Variants in MDN1 observed in about 807,000 individuals in gnomAD.
The protein encoded by MDN1 is midasin AAA ATPase 1.
Under a neutral mutation model 669.2 loss-of-function variants are expected in MDN1, and 266 were observed. That is an observed-to-expected ratio of 0.40 (90% CI 0.36 to 0.44). The LOEUF is 0.44. Ranked by LOEUF, MDN1 falls within the 20% of genes least tolerant of loss-of-function variation. The pLI, the probability that MDN1 is intolerant of heterozygous loss-of-function variation, is 1.00. For synonymous variants in MDN1, 2,385 were observed against 2,457.1 expected (o/e 0.97, Z 0.87); for missense variants, 5,940 against 6,754.0 (o/e 0.88, Z 4.22).
At chr6:89,802,936 C>T (rs1048143380) in intron 2 of MDN1, among the ~76,000 whole-genome samples, 5 of 152,272 alleles carry the variant, frequency 3.3e-5, no homozygotes, top group African/African-American at 1.2e-4. Context: ...GATACTATAG[C>T]TCTTCTAATC....
chr6:89,791,960 C>T (rs535785240), intron 5 of MDN1, among the ~76,000 whole-genome samples: 4 of 150,832 alleles, frequency 2.7e-5, no homozygotes, highest in African/African-American at 4.9e-5. Context: ...CTCCGCCTCC[C>T]GGGTTCAAGC....
intron 19 of MDN1, among the ~76,000 whole-genome samples, chr6:89,757,895 G>A (rs1269361138): frequency 6.6e-6 from 1 of 151,904 alleles, no homozygotes; most frequent in Non-Finnish European, 1.5e-5. Context: ...AAAAAATAGA[G>A]AAATCAGCCA....
Position 89,745,557 on chromosome 6 carries a change from T to C in MDN1, c.3974A>G (p.Lys1325Arg), listed in dbSNP as rs1268606338. The C allele has an allele frequency of 6.2e-7, 1 of 1,614,194 alleles. No homozygotes were observed. The highest frequency in any genetic ancestry group is 1.1e-5 in the South Asian group (1 of 91,066). ...EIDVIQEVLE[K>R]HFKKKLCPQS... ...AGGACACAATTTTTTCTTGAAATGTTTCTCAAGGACTTCTTGAATCACATC... is the reference window on the plus strand; with the variant it reads ...AGGACACAATTTTTTCTTGAAATGTCTCTCAAGGACTTCTTGAATCACATC... Residue 1325 changes from lysine to arginine, a missense_variant, in exon 28 of 102, where the codon AAA becomes AGA. Physicochemically the swap from Lys to Arg is conservative, Grantham distance 26 (BLOSUM62 2). Around this residue, in one of 5 missense-constraint regions of MDN1, gnomAD observed 2,292 missense variants for 2,638.3 expected, o/e 0.87. Transcript: ENST00000369393.
At chr6:89,762,202 T>G (rs1246276452) in intron 16 of MDN1, 117 bp downstream of exon 16, 1 of 843,660 alleles carries the variant, frequency 1.2e-6, no homozygotes, top group African/African-American at 1.7e-5. Flanking sequence ...ATTAGTCACT[T>G]CTGCCAAAGT....
In MDN1 at chr6:89,718,755, C is replaced by G. The variant is rs1200108024; in HGVS notation, c.6321+12G>C. ...TATGCTTTGCCAGAAAATATGAAGGCAGACTGGTTACCTGCTCAAATCCAC... is the reference window on the plus strand; with the variant it reads ...TATGCTTTGCCAGAAAATATGAAGGGAGACTGGTTACCTGCTCAAATCCAC... On this transcript the variant is annotated intron_variant, in intron 42 of 101. Coordinates refer to ENST00000369393, the MANE Select transcript of MDN1 (RefSeq NM_014611.3). 1.2e-6 allele frequency: 2 copies of G among 1,612,298 alleles called. No individual in the cohort carries two copies. The highest frequency in any genetic ancestry group is 4.5e-5 in the East Asian group (2 of 44,854).
chr6:89,789,722 T>C, intron 7 of MDN1, 58 bp downstream of exon 7: 1 of 1,520,606 alleles, frequency 6.6e-7, no homozygotes, highest in South Asian at 1.3e-5. Flanking sequence ...ATTAACAAAA[T>C]GCTTTTCCAA....
At position 89,678,720 on chromosome 6, in the gene MDN1, C is replaced by T; in HGVS notation, c.12291G>A (p.Glu4097=). 1 of 1,613,378 alleles carries T rather than the reference C, an allele frequency of 6.2e-7. No homozygotes were observed. Among genetic ancestry groups the T allele is most frequent in the Non-Finnish European group, 8.5e-7 (1 of 1,179,704 alleles). ...FTGEVISSVS[E]LQSLKVEPSA... ...AGGGTTCCACCTTTAAGCTCTGCAG[C>T]TCACTCACAGAGGAAATCACTTCAC... is the stretch of plus-strand genomic sequence containing the variant. Residue 4097 remains glutamate (E), a synonymous_variant, in exon 75 of 102, where the codon GAG becomes GAA. Transcript: ENST00000369393.
chr6:89,723,010 T>C lies in MDN1; in HGVS notation c.5912A>G (p.Gln1971Arg), dbSNP rs774215175. 1 of 1,614,128 alleles carries C rather than the reference T, an allele frequency of 6.2e-7. No individual in the cohort carries two copies. The highest frequency in any genetic ancestry group is 8.5e-7 in the Non-Finnish European group (1 of 1,179,960). ...TTCACCATAGACCAAAAACACATGC[T>C]GACCAGGATCATAACACCCAGGGGA... ...DQSPGCYDPG[Q>R]HVFLVYGERM... The change falls in exon 40 of 102, where the codon CAG (glutamine) becomes CGG (arginine). Residue 1971 changes from glutamine to arginine, a missense_variant. Gln to Arg is a conservative substitution (Grantham distance 43, BLOSUM62 1). This residue lies in a region of MDN1 where 2,292 missense variants were observed against 2,638.3 expected (regional missense o/e 0.87). Coordinates refer to ENST00000369393, the MANE Select transcript of MDN1 (RefSeq NM_014611.3).
At position 89,745,628 on chromosome 6, in the gene MDN1, T is replaced by C. The variant is rs1378813309; in HGVS notation, c.3905-2A>G. The C allele has an allele frequency of 6.2e-7, 1 of 1,612,536 alleles. No homozygotes were observed. Among genetic ancestry groups the C allele is most frequent in the Non-Finnish European group, 8.5e-7 (1 of 1,179,450 alleles). On this transcript the variant is annotated splice_acceptor_variant, in intron 27 of 101. Coordinates refer to ENST00000369393, the MANE Select transcript of MDN1 (RefSeq NM_014611.3). LOFTEE classifies it high-confidence loss of function. ...CTCGACCTGCCAGAAGCATATAACC[T>C]GGGAGGAGGAGGAGGAAAAGGAGGA...
intron 36 of MDN1, among the ~76,000 whole-genome samples, chr6:89,728,393 C>T (rs1815368187): frequency 6.6e-6 from 1 of 151,698 alleles, no homozygotes; most frequent in Non-Finnish European, 1.5e-5. Context: ...CAATAAATAC[C>T]AAAGTGGATA....
chr6:89,814,667 G>A (rs1200371439), intron 1 of MDN1: 1 of 263,282 alleles, frequency 3.8e-6, no homozygotes, highest in South Asian at 4.2e-5. Flanking sequence ...TAGACTCTTG[G>A]CCAGACAGAT....
chr6:89,810,021 A>ATAAAC (rs1554202357), intron 1 of MDN1, among the ~76,000 whole-genome samples: 1 of 144,480 alleles, frequency 6.9e-6, no homozygotes, highest in Non-Finnish European at 1.5e-5. Flanking sequence ...AAAAAAAAAA[A>ATAAAC]AAAAATTAAG....
At chr6:89,753,174 G>C (rs948485977) in intron 22 of MDN1, among the ~76,000 whole-genome samples, 1 of 151,708 alleles carries the variant, frequency 6.6e-6, no homozygotes, top group African/African-American at 2.4e-5. Flanking sequence ...TTATAAGACA[G>C]TCCCACTTAC....
chr6:89,747,251 T>C, intron 27 of MDN1, 78 bp downstream of exon 27: 1 of 1,523,356 alleles, frequency 6.6e-7, no homozygotes, highest in Non-Finnish European at 8.9e-7. Flanking sequence ...CAATCACAAT[T>C]TGAGGCAAGA....
chr6:89,802,366 T>G (rs1767722408), intron 2 of MDN1, among the ~76,000 whole-genome samples: 1 of 152,200 alleles, frequency 6.6e-6, no homozygotes, highest in Non-Finnish European at 1.5e-5. Context: ...TGATGAAGAC[T>G]AATAAATAAA....
At chr6:89,778,363 C>A (rs557739950) in intron 11 of MDN1, among the ~76,000 whole-genome samples, 1 of 151,998 alleles carries the variant, frequency 6.6e-6, no homozygotes, top group South Asian at 2.1e-4. Flanking sequence ...AGCCATAATT[C>A]TAAGTAAAGT....
chr6:89,650,063 G>C lies in MDN1; in HGVS notation c.16167C>G (p.Ile5389Met), dbSNP rs147562235. ...TGTCTACCATACTAGAAGAGTCATC[G>C]ATAGCCAAACAAATCTGATACTGGC... is the stretch of plus-strand genomic sequence containing the variant. Reference protein sequence around the residue: ...SKRQYQICLAIDDSSSMVDNH... With the variant: ...SKRQYQICLAMDDSSSMVDNH... The change falls in exon 97 of 102, where the codon ATC (isoleucine) becomes ATG (methionine). Residue 5389 changes from isoleucine to methionine, a missense_variant. By Grantham distance (10) the Ile-to-Met change is conservative. Transcript: ENST00000369393. 1.5e-5 allele frequency: 25 copies of C among 1,613,896 alleles called. No homozygotes were observed. Among genetic ancestry groups the C allele is most frequent in the Non-Finnish European group, 1.9e-5 (23 of 1,180,022 alleles).
Position 89,750,575 on chromosome 6 carries a change from A to G in MDN1, c.3228-43T>C. 6 of 1,552,226 alleles carry G rather than the reference A, an allele frequency of 3.9e-6. No homozygotes were observed. In the South Asian group the frequency reaches 6.9e-5, roughly 18 times the overall value. ...ATTAAGCAACTTAAAACAACAAAAA[A>G]TTACAAAGCTGAGAAACCAGAACTG... On this transcript the variant is annotated intron_variant, in intron 23 of 101. Transcript: ENST00000369393.
At position 89,701,595 on chromosome 6, in the gene MDN1, T is replaced by C; in HGVS notation, c.8390A>G (p.Lys2797Arg). The change falls in exon 55 of 102, where the codon AAG (lysine) becomes AGG (arginine). Residue 2797 changes from lysine (K) to arginine (R), a missense_variant. Around this residue, in one of 5 missense-constraint regions of MDN1, gnomAD observed 2,292 missense variants for 2,638.3 expected, o/e 0.87. Transcript: ENST00000369393. ...CGGTCGTCCCAGGAACTTCTGCAAC[T>C]TCTTTATACCAGCGAAGCCACCAGT... ...SQTGGFAGIK[K>R]LQKFLGRPFP... The C allele has an allele frequency of 1.2e-6, 2 of 1,614,216 alleles. No homozygotes were observed. Among genetic ancestry groups the C allele is most frequent in the Non-Finnish European group, 1.7e-6 (2 of 1,180,028 alleles).
Sources: allele counts gnomAD v4.1 joint callset (sites outside exome capture counted in the v4.1 genomes callset), GRCh38; gene constraint gnomAD v4.1.1; regional missense constraint gnomAD v4.1.1; transcripts MANE v1.5; gene names NCBI Gene and HGNC (gene_info 2026-07-23, HGNC 2026-07-21).